The following JAZF1 variants were observed in gnomAD, a reference collection of about 807,000 sequenced individuals.
JAZF1 encodes JAZF zinc finger 1.
A neutral mutation model predicts 26.4 loss-of-function variants in JAZF1; 8 were observed. The observed-to-expected ratio is 0.30, with a 90% confidence interval of 0.18 to 0.55. The LOEUF (loss-of-function observed/expected upper bound fraction) is 0.55. Among genes scored for constraint, JAZF1 ranks in the 20% least tolerant of loss-of-function variants. The pLI is 0.94. For synonymous variants in JAZF1, 126 were observed against 122.3 expected (o/e 1.03, Z -0.20); for missense variants, 199 against 322.0 (o/e 0.62, Z 2.92).
chr7:28,001,243 A>G (rs763074062), intron 1 of JAZF1, among the ~76,000 whole-genome samples: 14 of 152,000 alleles, frequency 9.2e-5, no homozygotes, highest in African/African-American at 3.4e-4. Flanking sequence ...TCCCAGCTAC[A>G]TGTGAGGCTG....
At chr7:27,870,764 C>A (rs1783566670) in intron 3 of JAZF1, among the ~76,000 whole-genome samples, 1 of 152,148 alleles carries the variant, frequency 6.6e-6, no homozygotes. Context: ...CATTTGCAAG[C>A]CAGGTGACAG....
intron 2 of JAZF1, among the ~76,000 whole-genome samples, chr7:27,974,918 C>T (rs1243262142): frequency 1.3e-5 from 2 of 149,126 alleles, no homozygotes; most frequent in African/African-American, 5.0e-5. Flanking sequence ...GGAGTCTCGC[C>T]TCTGTCACCA....
In JAZF1 at chr7:28,067,158, T is replaced by C. The variant is rs563365550; in HGVS notation, c.116-75177A>G. ...CCACTCCAGATAACTAAGTGAAACT[T>C]TGTCATTTACTAGGTCCACAGCACA... On this transcript the variant is annotated intron_variant, in intron 1 of 4. Transcript: ENST00000283928. Among the ~76,000 whole-genome samples, 6 of 152,260 alleles carry C rather than the reference T, an allele frequency of 3.9e-5. No individual in the cohort carries two copies. In the South Asian group the frequency reaches 6.2e-4, roughly 16 times the overall value.
At chr7:27,912,566 G>A (rs957877653) in intron 2 of JAZF1, among the ~76,000 whole-genome samples, 7 of 152,122 alleles carry the variant, frequency 4.6e-5, no homozygotes, top group Admixed American at 4.6e-4. Context: ...TGCAGAGAGG[G>A]AGGAAGGAAG....
At chr7:27,839,850 GTCAA>G (rs779350727) in intron 4 of JAZF1, among the ~76,000 whole-genome samples, 11 of 152,082 alleles carry the variant, frequency 7.2e-5, no homozygotes, top group Non-Finnish European at 1.3e-4. Flanking sequence ...TTAAAAAATA[GTCAA>G]TCTGCTAGCC....
chr7:28,091,802 C>G (rs1784302120), intron 1 of JAZF1, among the ~76,000 whole-genome samples: 3 of 151,856 alleles, frequency 2.0e-5, no homozygotes. Context: ...TATGGCCCAA[C>G]TGGAAAATAT....
intron 3 of JAZF1, among the ~76,000 whole-genome samples, chr7:27,893,615 G>A (rs1784011797): frequency 6.6e-6 from 1 of 152,124 alleles, no homozygotes; most frequent in Non-Finnish European, 1.5e-5. Context: ...TTCCTGACTG[G>A]GTCAAACTTC....
chr7:27,909,002 T>TTC (rs1554274815), intron 2 of JAZF1, among the ~76,000 whole-genome samples: 15 of 151,168 alleles, frequency 9.9e-5, no homozygotes, highest in East Asian at 3.9e-4. Context: ...ACTTGAATAA[T>TTC]ATTCATTCAT....
intron 3 of JAZF1, among the ~76,000 whole-genome samples, chr7:27,862,775 T>C (rs1468437791): frequency 6.6e-6 from 1 of 152,248 alleles, no homozygotes; most frequent in East Asian, 1.9e-4. Context: ...GGCTTATGAT[T>C]TTGAAACCCC....
At chr7:28,123,810 C>T (rs1266403880) in intron 1 of JAZF1, among the ~76,000 whole-genome samples, 2 of 152,174 alleles carry the variant, frequency 1.3e-5, no homozygotes, top group Admixed American at 6.5e-5. Context: ...GGCCATAGAA[C>T]AGATCCAAAA....
chr7:27,937,271 C>T (rs1784775742), intron 2 of JAZF1, among the ~76,000 whole-genome samples: 3 of 152,204 alleles, frequency 2.0e-5, no homozygotes, highest in African/African-American at 7.2e-5. Flanking sequence ...ACAAGCCTAA[C>T]TCATATACAG....
At chr7:28,130,519 G>C (rs768215144) in intron 1 of JAZF1, among the ~76,000 whole-genome samples, 7 of 152,118 alleles carry the variant, frequency 4.6e-5, no homozygotes, top group Non-Finnish European at 1.0e-4. Context: ...TCCCTTGCAA[G>C]GCCTGCCTGG....
chr7:27,837,372 G>A (rs1477926295), intron 4 of JAZF1, among the ~76,000 whole-genome samples: 2 of 152,246 alleles, frequency 1.3e-5, no homozygotes, highest in African/African-American at 4.8e-5. Context: ...CTCTGGGAAG[G>A]ATACAAAGGA....
chr7:27,983,959 A>G (rs1288663113), intron 2 of JAZF1, among the ~76,000 whole-genome samples: 4 of 152,220 alleles, frequency 2.6e-5, no homozygotes, highest in African/African-American at 7.2e-5. Context: ...AGCACTAAAC[A>G]TGGAAAGGAA....
At chr7:27,976,270 C>T (rs925115769) in intron 2 of JAZF1, among the ~76,000 whole-genome samples, 10 of 148,158 alleles carry the variant, frequency 6.7e-5, no homozygotes, top group Admixed American at 2.7e-4. Context: ...GGCGCGAACC[C>T]GGGAGGCGGA....
intron 1 of JAZF1, among the ~76,000 whole-genome samples, chr7:28,053,090 C>G (rs891512935): frequency 2.0e-5 from 3 of 152,114 alleles, no homozygotes; most frequent in African/African-American, 7.2e-5. Flanking sequence ...CCTTTTGAGA[C>G]TGACTTATTT....
intron 1 of JAZF1, among the ~76,000 whole-genome samples, chr7:28,061,707 CCA>C: frequency 6.6e-6 from 1 of 152,026 alleles, no homozygotes; most frequent in South Asian, 2.1e-4. Context: ...GTTTTCAGGC[CCA>C]GAATGGCCGT....
intron 1 of JAZF1, among the ~76,000 whole-genome samples, chr7:28,105,137 C>T (rs955587884): frequency 6.6e-6 from 1 of 151,940 alleles, no homozygotes; most frequent in Admixed American, 6.6e-5. Flanking sequence ...AGACACCAAA[C>T]AGAAATGATA....
chr7:27,987,318 G>T (rs1785744845), intron 2 of JAZF1, among the ~76,000 whole-genome samples: 1 of 151,904 alleles, frequency 6.6e-6, no homozygotes, highest in Admixed American at 6.5e-5. Context: ...CCCCGTCTGG[G>T]ATCTGAGGAG....
Sources: gnomAD v4.1 joint callset for allele counts (sites outside exome capture counted in the v4.1 genomes callset) on GRCh38, gnomAD v4.1.1 for gene constraint, MANE v1.5 for transcripts, NCBI Gene and HGNC (gene_info 2026-07-23, HGNC 2026-07-21) for gene names.